Variants in NRG1 observed in about 807,000 individuals in gnomAD.
NRG1 encodes the protein neuregulin 1, also known as pro-neuregulin-1, membrane-bound isoform.
NRG1 carries 18 observed loss-of-function variants against 63.8 expected under a neutral mutation model. That is an observed-to-expected ratio of 0.28 (90% CI 0.19 to 0.42). The LOEUF is 0.42. Among genes scored for constraint, NRG1 ranks in the 10% least tolerant of loss-of-function variants. The pLI is 1.00. For missense variants in NRG1, 762 were observed against 814.7 expected, an observed-to-expected ratio of 0.94 and a Z score of 0.79; for synonymous variants, 302 against 301.3, an observed-to-expected ratio of 1.00 and a Z score of -0.02.
chr8:31,857,156 C>T (rs1041668143), intron 1 of NRG1, among the ~76,000 whole-genome samples: 1 of 152,226 alleles, frequency 6.6e-6, no homozygotes, highest in African/African-American at 2.4e-5. Flanking sequence ...TCCAGCTTCC[C>T]CCCTGCTTTG....
intron 1 of NRG1, among the ~76,000 whole-genome samples, chr8:31,931,508 A>G (rs1834860542): frequency 6.6e-6 from 1 of 152,202 alleles, no homozygotes; most frequent in Non-Finnish European, 1.5e-5. Flanking sequence ...ATTACAACTA[A>G]GAATAAGTAC....
intron 1 of NRG1, among the ~76,000 whole-genome samples, chr8:31,812,654 T>TTCCCC (rs1823005880): frequency 7.1e-6 from 1 of 140,660 alleles, no homozygotes; most frequent in African/African-American, 2.6e-5. Flanking sequence ...CTCCCATCTC[T>TTCCCC]TCCCCTTCCC....
intron 1 of NRG1, among the ~76,000 whole-genome samples, chr8:31,776,430 T>C (rs1355932854): frequency 6.6e-6 from 1 of 152,192 alleles, no homozygotes; most frequent in Admixed American, 6.5e-5. Flanking sequence ...ATAGGAACTC[T>C]TGAACTTGAG....
intron 1 of NRG1, among the ~76,000 whole-genome samples, chr8:32,334,172 C>A (rs1476989823): frequency 1.3e-5 from 2 of 152,094 alleles, no homozygotes; most frequent in African/African-American, 2.4e-5. Context: ...GGAATATGAC[C>A]TTTTCATCTT....
intron 1 of NRG1, among the ~76,000 whole-genome samples, chr8:32,486,412 C>T (rs746522260): frequency 7.2e-5 from 11 of 152,226 alleles, no homozygotes; most frequent in South Asian, 2.1e-4. Flanking sequence ...ACTCTACTTA[C>T]GCCACCCAGG....
At chr8:32,654,658 T>TGTATATATATGTATAATATA (rs548070225) in intron 5 of NRG1, among the ~76,000 whole-genome samples, 3 of 150,582 alleles carry the variant, frequency 2.0e-5, no homozygotes, top group Admixed American at 6.6e-5. Context: ...CTTTATAATA[T>TGTATATATATGTATAATATA]TGATATGTAT....
At chr8:32,287,173 C>T (rs1415651794) in intron 1 of NRG1, 1 of 152,104 alleles carries the variant, frequency 6.6e-6, no homozygotes, top group Non-Finnish European at 1.5e-5. Context: ...TCATACTACC[C>T]GAGGTTTGTT....
At chr8:31,734,584 C>T (rs537920249) in intron 1 of NRG1, among the ~76,000 whole-genome samples, 2 of 152,118 alleles carry the variant, frequency 1.3e-5, no homozygotes, top group South Asian at 2.1e-4. Context: ...TGGTTAACTG[C>T]ATTTTAAATT....
At chr8:32,005,122 G>A (rs910342592) in intron 1 of NRG1, among the ~76,000 whole-genome samples, 1 of 151,436 alleles carries the variant, frequency 6.6e-6, no homozygotes, top group Non-Finnish European at 1.5e-5. Flanking sequence ...AAGAAAGAAG[G>A]GAGGGAGGAT....
chr8:31,805,674 A>G (rs1436377874), intron 1 of NRG1, among the ~76,000 whole-genome samples: 1 of 151,818 alleles, frequency 6.6e-6, no homozygotes, highest in Non-Finnish European at 1.5e-5. Context: ...TAAAAATACA[A>G]AAAGTTAGCC....
At chr8:32,124,329 A>G (rs1487716149) in intron 1 of NRG1, among the ~76,000 whole-genome samples, 1 of 151,850 alleles carries the variant, frequency 6.6e-6, no homozygotes, top group Non-Finnish European at 1.5e-5. Flanking sequence ...AGCATCCAGT[A>G]TACTTGATTC....
chr8:32,019,766 A>G (rs1563686633), intron 1 of NRG1, among the ~76,000 whole-genome samples: 1 of 152,216 alleles, frequency 6.6e-6, no homozygotes, highest in Non-Finnish European at 1.5e-5. Context: ...CCAGATAACC[A>G]GTGCTATAGT....
chr8:32,749,866 C>T (rs1424764444), intron 7 of NRG1: 8 of 464,358 alleles, frequency 1.7e-5, no homozygotes, highest in Non-Finnish European at 3.1e-5. Flanking sequence ...GCTTAACCCA[C>T]TGATTGGATC....
intron 1 of NRG1, among the ~76,000 whole-genome samples, chr8:32,594,642 A>G (rs554744433): frequency 1.3e-5 from 2 of 152,292 alleles, no homozygotes; most frequent in South Asian, 2.1e-4. Flanking sequence ...GGATATTGTA[A>G]CATTTTATCT....
intron 1 of NRG1, among the ~76,000 whole-genome samples, chr8:32,494,654 A>G (rs973499434): frequency 6.6e-6 from 1 of 152,210 alleles, no homozygotes; most frequent in Non-Finnish European, 1.5e-5. Flanking sequence ...ACAGTTGGAG[A>G]CAGACAACAA....
intron 5 of NRG1, among the ~76,000 whole-genome samples, chr8:32,626,224 G>A (rs919929190): frequency 6.7e-6 from 1 of 150,090 alleles, no homozygotes; most frequent in Non-Finnish European, 1.5e-5. Context: ...GATTGGGGGA[G>A]ATAAATAGGA....
At chr8:31,766,111 G>A (rs1057256042) in intron 1 of NRG1, among the ~76,000 whole-genome samples, 1 of 151,838 alleles carries the variant, frequency 6.6e-6, no homozygotes, top group Non-Finnish European at 1.5e-5. Context: ...TCAGGAACAG[G>A]CAAGAGACAA....
chr8:32,329,064 G>T (rs867669052), intron 1 of NRG1, among the ~76,000 whole-genome samples: 10 of 152,140 alleles, frequency 6.6e-5, no homozygotes, highest in African/African-American at 2.4e-4. Context: ...AACCTCTCCA[G>T]CTCAAGCGAT....
chr8:32,066,278 T>G (rs1371780929), intron 1 of NRG1, among the ~76,000 whole-genome samples: 1 of 152,220 alleles, frequency 6.6e-6, no homozygotes, highest in East Asian at 1.9e-4. Flanking sequence ...ATGTCCTGAA[T>G]GGTATTGCCT....
Sources: gnomAD v4.1 joint callset for allele counts (sites outside exome capture counted in the v4.1 genomes callset) on GRCh38, gnomAD v4.1.1 for gene constraint, MANE v1.5 for transcripts, NCBI Gene and HGNC (gene_info 2026-07-23, HGNC 2026-07-21) for gene names.